The following GALNT1 variants were observed in gnomAD, a reference collection of about 807,000 sequenced individuals.
GALNT1 encodes GalNAc transferase 1.
Under a neutral mutation model 65.7 loss-of-function variants are expected in GALNT1, and 17 were observed. The observed-to-expected ratio is 0.26, with a 90% confidence interval of 0.18 to 0.39. The LOEUF is 0.39. Ranked by LOEUF, GALNT1 falls within the 10% of genes least tolerant of loss-of-function variation. The pLI is 1.00. For missense variants in GALNT1, 460 were observed against 672.8 expected, an observed-to-expected ratio of 0.68 and a Z score of 3.50; for synonymous variants, 210 against 219.7, an observed-to-expected ratio of 0.96 and a Z score of 0.39.
chr18:35,687,054 A>G lies in GALNT1; in HGVS notation c.728A>G (p.Asp243Gly), dbSNP rs2047879390. ...TGTCCCATCATCGATGTGATCAGTG[A>G]TGATACTTTTGAGTACATGGCAGGC... The part of the protein sequence containing the change: ...VVCPIIDVIS[D>G]DTFEYMAGSD... The change falls in exon 6 of 12, where the codon GAT becomes GGT. Residue 243 changes from aspartate (D) to glycine (G), a missense_variant. Transcript: ENST00000269195. 6.2e-7 allele frequency: 1 copy of G among 1,613,932 alleles called. No individual in the cohort carries two copies. Among genetic ancestry groups the G allele is most frequent in the Non-Finnish European group, 8.5e-7 (1 of 1,179,862 alleles).
chr18:35,692,347 A>G lies in GALNT1; in HGVS notation c.1299+27A>G, dbSNP rs760375842. The stretch of plus-strand genomic sequence containing the variant: ...TAAGAAATATATATATATATATTCT[A>G]TGTGGTTATTATGTTCTTACTTTTT... On this transcript the variant is annotated intron_variant, in intron 9 of 11. Coordinates refer to ENST00000269195, the MANE Select transcript of GALNT1 (RefSeq NM_020474.4). The G allele has an allele frequency of 1.1e-5, 15 of 1,342,114 alleles. No individual in the cohort carries two copies. The East Asian group carries it at 1.8e-4, about 16-fold the overall frequency. 83.1% of individuals were successfully genotyped at this position (1,342,114 alleles called of 1,614,324 possible).
At chr18:35,613,826 C>G (rs1343920839) in intron 1 of GALNT1, among the ~76,000 whole-genome samples, 2 of 151,650 alleles carry the variant, frequency 1.3e-5, no homozygotes, top group Non-Finnish European at 2.9e-5. Flanking sequence ...AACTGCAGTT[C>G]CACTCTAACT....
At chr18:35,700,500 C>T (rs1215472699) in intron 9 of GALNT1, among the ~76,000 whole-genome samples, 2 of 152,292 alleles carry the variant, frequency 1.3e-5, no homozygotes, top group African/African-American at 4.8e-5. Flanking sequence ...ACTCTAACAG[C>T]TAATGGGAAG....
intron 2 of GALNT1, among the ~76,000 whole-genome samples, chr18:35,657,455 A>C (rs2047408331): frequency 6.6e-6 from 1 of 152,174 alleles, no homozygotes; most frequent in Non-Finnish European, 1.5e-5. Flanking sequence ...AGAATGGTCG[A>C]GATGGAGAAA....
At chr18:35,636,955 G>C (rs567890012) in intron 1 of GALNT1, among the ~76,000 whole-genome samples, 3 of 151,650 alleles carry the variant, frequency 2.0e-5, no homozygotes, top group Non-Finnish European at 4.4e-5. Flanking sequence ...TATCTGTTGT[G>C]GTGATTTTTG....
chr18:35,613,709 A>C (rs1370820207), intron 1 of GALNT1, among the ~76,000 whole-genome samples: 1 of 152,114 alleles, frequency 6.6e-6, no homozygotes, highest in Non-Finnish European at 1.5e-5. Context: ...AAAGCAAAAA[A>C]CCTATCCCTC....
intron 6 of GALNT1, among the ~76,000 whole-genome samples, chr18:35,688,226 CTGTT>C (rs2047898498): frequency 6.6e-6 from 1 of 152,130 alleles, no homozygotes; most frequent in Admixed American, 6.6e-5. Flanking sequence ...TGAATTTTGG[CTGTT>C]TCTTTTAAAT....
At chr18:35,685,709 G>A (rs140841691) in intron 5 of GALNT1, among the ~76,000 whole-genome samples, 4 of 152,250 alleles carry the variant, frequency 2.6e-5, no homozygotes, top group East Asian at 1.9e-4. Context: ...TGAAGAAAAC[G>A]AATCTATACA....
chr18:35,599,422 G>A (rs2046551641), intron 1 of GALNT1, among the ~76,000 whole-genome samples: 1 of 139,778 alleles, frequency 7.2e-6, no homozygotes, highest in African/African-American at 2.7e-5. Context: ...AAGCTGCAGT[G>A]AATTATGGCA....
intron 3 of GALNT1, among the ~76,000 whole-genome samples, chr18:35,673,680 C>T (rs1392470287): frequency 6.6e-6 from 1 of 152,154 alleles, no homozygotes; most frequent in Non-Finnish European, 1.5e-5. Context: ...TCAAGTGATC[C>T]TCTTGCCACA....
At chr18:35,687,729 T>C (rs961659155) in intron 6 of GALNT1, among the ~76,000 whole-genome samples, 13 of 152,138 alleles carry the variant, frequency 8.5e-5, no homozygotes, top group African/African-American at 2.7e-4. Context: ...CTTGGTCATA[T>C]ATAGATTTTT....
chr18:35,696,069 C>T (rs1035322696), intron 9 of GALNT1, among the ~76,000 whole-genome samples: 1 of 152,264 alleles, frequency 6.6e-6, no homozygotes, highest in Non-Finnish European at 1.5e-5. Flanking sequence ...CTGGGCAAGT[C>T]GCAGCGTTTA....
intron 2 of GALNT1, among the ~76,000 whole-genome samples, chr18:35,659,110 C>A (rs2047439625): frequency 6.6e-6 from 1 of 152,142 alleles, no homozygotes; most frequent in Non-Finnish European, 1.5e-5. Flanking sequence ...GTATTACACT[C>A]CAGAGTGACT....
intron 1 of GALNT1, among the ~76,000 whole-genome samples, chr18:35,623,643 C>T (rs1020881559): frequency 2.0e-5 from 3 of 152,108 alleles, no homozygotes; most frequent in Non-Finnish European, 2.9e-5. Flanking sequence ...TTCTTTTGAT[C>T]TCCCTTTAAA....
chr18:35,671,360 G>T (rs933714813), intron 3 of GALNT1, among the ~76,000 whole-genome samples: 8 of 152,140 alleles, frequency 5.3e-5, no homozygotes, highest in Non-Finnish European at 1.0e-4. Context: ...AGGACTACAG[G>T]TACACACCAC....
At chr18:35,644,651 T>C (rs2047206599) in intron 1 of GALNT1, among the ~76,000 whole-genome samples, 1 of 152,210 alleles carries the variant, frequency 6.6e-6, no homozygotes, top group Non-Finnish European at 1.5e-5. Flanking sequence ...CACACTTGTA[T>C]GGATTTGTTT....
intron 1 of GALNT1, among the ~76,000 whole-genome samples, chr18:35,624,390 T>G (rs1436388333): frequency 6.6e-6 from 1 of 152,214 alleles, no homozygotes; most frequent in African/African-American, 2.4e-5. Flanking sequence ...TAGAATAAGC[T>G]CCTCTACTTT....
chr18:35,702,591 A>AT (rs1302934636), intron 9 of GALNT1, among the ~76,000 whole-genome samples: 2 of 152,338 alleles, frequency 1.3e-5, no homozygotes, highest in African/African-American at 4.8e-5. Flanking sequence ...CAGGGAGTTA[A>AT]TTTTTTAAAT....
chr18:35,672,639 C>G (rs2047653014), intron 3 of GALNT1, among the ~76,000 whole-genome samples: 1 of 151,864 alleles, frequency 6.6e-6, no homozygotes, highest in Non-Finnish European at 1.5e-5. Flanking sequence ...CTGAAGGAAA[C>G]TGGAGGGAAG....
Sources: allele counts gnomAD v4.1 joint callset (sites outside exome capture counted in the v4.1 genomes callset), GRCh38; gene constraint gnomAD v4.1.1; transcripts MANE v1.5; gene names NCBI Gene and HGNC (gene_info 2026-07-23, HGNC 2026-07-21).